The following DNER variants were observed in gnomAD, a reference collection of about 807,000 sequenced individuals.
DNER encodes the protein delta/notch like EGF repeat containing.
DNER carries 33 observed loss-of-function variants against 78.2 expected under a neutral mutation model. The observed-to-expected ratio is 0.42, with a 90% CI of 0.32 to 0.56. DNER has a LOEUF of 0.56. DNER is among the 20% of genes least tolerant of loss of function. The probability of loss-of-function intolerance (pLI) is 0.11; values close to 1 mark genes in which losing one functional copy is unlikely to be tolerated. For synonymous variants in DNER, 417 were observed against 384.8 expected (o/e 1.08, Z -0.98); for missense variants, 918 against 975.3 (o/e 0.94, Z 0.78).
chr2:229,559,616 G>GA (rs943805687), intron 4 of DNER, among the ~76,000 whole-genome samples: 9 of 151,582 alleles, frequency 5.9e-5, no homozygotes, highest in East Asian at 5.8e-4. Context: ...AGATGCTGGA[G>GA]AAAAAAAAGA....
chr2:229,380,249 T>C (rs922076488), intron 11 of DNER, among the ~76,000 whole-genome samples: 1 of 152,050 alleles, frequency 6.6e-6, no homozygotes, highest in African/African-American at 2.4e-5. Flanking sequence ...TATCCAGCCA[T>C]AGGCAGCCAG....
chr2:229,518,511 G>A (rs1696026428), intron 5 of DNER, among the ~76,000 whole-genome samples: 1 of 152,240 alleles, frequency 6.6e-6, no homozygotes, highest in Admixed American at 6.5e-5. Flanking sequence ...ACAGTGGGGT[G>A]TAAATAGGCT....
intron 1 of DNER, among the ~76,000 whole-genome samples, chr2:229,649,803 G>A (rs922896138): frequency 5.9e-5 from 9 of 152,210 alleles, no homozygotes; most frequent in Admixed American, 3.3e-4. Context: ...CCCCGGGTGC[G>A]GTGGCTCACG....
intron 5 of DNER, among the ~76,000 whole-genome samples, chr2:229,516,672 C>G (rs1203798396): frequency 6.6e-6 from 1 of 151,310 alleles, no homozygotes; most frequent in East Asian, 1.9e-4. Context: ...GTAGTGCCAG[C>G]TATTGGGGAA....
At chr2:229,637,791 G>T (rs1354761647) in intron 1 of DNER, among the ~76,000 whole-genome samples, 1 of 152,176 alleles carries the variant, frequency 6.6e-6, no homozygotes, top group Non-Finnish European at 1.5e-5. Flanking sequence ...GGAAAAAGCA[G>T]CCTTGAACAT....
rs200043673 is a variant in DNER at position 229,630,479 on chromosome 2, AAATAATAATAAT to A, written c.277-38603_277-38592del. ...CGACAGAGTGAGAGACTCCATCTCAAAATAATAATAATAATAATAATAATAATAATAATAATA... is the reference window on the plus strand; with the variant it reads ...CGACAGAGTGAGAGACTCCATCTCAAAATAATAATAATAATAATAATAATA... On this transcript the variant is annotated intron_variant, in intron 1 of 12. Transcript: ENST00000341772. 4.0e-3 allele frequency among the ~76,000 whole-genome samples: 555 copies of A among 139,052 alleles called. 4 individuals are homozygous for A. The highest frequency in any genetic ancestry group is 7.8e-3 in the South Asian group (33 of 4,212). 91.2% of individuals were successfully genotyped at this position (139,052 alleles called of 152,430 possible).
In DNER at chr2:229,358,492, T is replaced by C; in HGVS notation, c.*48A>G. 1 of 1,373,596 alleles carries C rather than the reference T, an allele frequency of 7.3e-7. No individual in the cohort carries two copies. The highest frequency in any genetic ancestry group is 2.0e-4 in the Middle Eastern group (1 of 5,036). 85.1% of individuals were successfully genotyped at this position (1,373,596 alleles called of 1,614,324 possible). ...AGCTTTTTATTTTCTTAAAAATATTTAAATGAGTGTAGTATCTCATCTTTT... is the reference window on the plus strand; with the variant it reads ...AGCTTTTTATTTTCTTAAAAATATTCAAATGAGTGTAGTATCTCATCTTTT... On this transcript the variant is annotated 3_prime_UTR_variant, in exon 13 of 13. Coordinates refer to ENST00000341772, the MANE Select transcript of DNER (RefSeq NM_139072.4).
intron 5 of DNER, among the ~76,000 whole-genome samples, chr2:229,546,721 G>A (rs974663387): frequency 2.0e-5 from 3 of 152,274 alleles, no homozygotes; most frequent in Admixed American, 6.5e-5. Context: ...GGGCAACAGA[G>A]CGAGACCCCA....
At chr2:229,697,279 T>G (rs1699676718) in intron 1 of DNER, among the ~76,000 whole-genome samples, 1 of 152,230 alleles carries the variant, frequency 6.6e-6, no homozygotes, top group Non-Finnish European at 1.5e-5. Context: ...TCCATTTCTA[T>G]GAAATATCGA....
chr2:229,410,864 A>G (rs975133697), intron 9 of DNER, among the ~76,000 whole-genome samples: 2 of 152,258 alleles, frequency 1.3e-5, no homozygotes, highest in African/African-American at 4.8e-5. Context: ...CGAAGCCAGT[A>G]AAGAAGTGTT....
intron 1 of DNER, among the ~76,000 whole-genome samples, chr2:229,637,655 T>C (rs909190999): frequency 6.6e-6 from 1 of 152,226 alleles, no homozygotes; most frequent in Non-Finnish European, 1.5e-5. Context: ...AGACATCACC[T>C]TGGTAGCTTG....
At chr2:229,672,394 G>A (rs1699225294) in intron 1 of DNER, among the ~76,000 whole-genome samples, 1 of 152,010 alleles carries the variant, frequency 6.6e-6, no homozygotes, top group African/African-American at 2.4e-5. Context: ...GGAGAGAGAG[G>A]AGGTGAAGGA....
intron 8 of DNER, among the ~76,000 whole-genome samples, chr2:229,446,492 C>T (rs1479435457): frequency 2.0e-5 from 3 of 152,164 alleles, no homozygotes; most frequent in Admixed American, 1.3e-4. Flanking sequence ...AAGCCAGGGT[C>T]AAGCCAAACC....
intron 5 of DNER, among the ~76,000 whole-genome samples, chr2:229,520,509 A>T (rs1402662895): frequency 2.0e-5 from 3 of 151,998 alleles, no homozygotes; most frequent in Admixed American, 2.0e-4. Flanking sequence ...CTAGGTCAAA[A>T]CTCTGGCTAA....
intron 6 of DNER, among the ~76,000 whole-genome samples, chr2:229,491,812 T>G (rs1380071592): frequency 6.6e-6 from 1 of 152,188 alleles, no homozygotes; most frequent in Non-Finnish European, 1.5e-5. Flanking sequence ...AAATCCCATC[T>G]CAATTCCTGG....
chr2:229,443,976 G>T (rs977138522), intron 8 of DNER, among the ~76,000 whole-genome samples: 5 of 152,106 alleles, frequency 3.3e-5, no homozygotes, highest in Non-Finnish European at 4.4e-5. Flanking sequence ...CAGCTCCCAG[G>T]TTCAACAAGA....
chr2:229,505,177 A>AGTGT (rs144321798), intron 6 of DNER, among the ~76,000 whole-genome samples: 15,514 of 126,380 alleles, frequency 0.12, 1,099 homozygotes, highest in East Asian at 0.28. Flanking sequence ...GTGTTGCTGC[A>AGTGT]GTGTGTGTGT....
intron 7 of DNER, among the ~76,000 whole-genome samples, chr2:229,457,546 G>A (rs542337992): frequency 6.6e-6 from 1 of 151,776 alleles, no homozygotes; most frequent in Non-Finnish European, 1.5e-5. Flanking sequence ...AAAAAACCCA[G>A]CAGTATAGCT....
intron 1 of DNER, among the ~76,000 whole-genome samples, chr2:229,594,462 CTG>C (rs1697667536): frequency 6.6e-6 from 1 of 152,126 alleles, no homozygotes; most frequent in Non-Finnish European, 1.5e-5. Context: ...TGGTGGGCAC[CTG>C]TAATCCCAGC....
Sources: gnomAD v4.1 joint callset for allele counts (sites outside exome capture counted in the v4.1 genomes callset) on GRCh38, gnomAD v4.1.1 for gene constraint, MANE v1.5 for transcripts, NCBI Gene and HGNC (gene_info 2026-07-23, HGNC 2026-07-21) for gene names.